The following CTNNA3 variants were observed in gnomAD, a reference collection of about 807,000 sequenced individuals.
The protein encoded by CTNNA3 is catenin alpha-3.
CTNNA3 carries 76 observed loss-of-function variants against 95.7 expected under a neutral mutation model. The ratio of observed to expected loss-of-function variants is 0.79; its 90% CI spans 0.66 to 0.96. The LOEUF is 0.96. Ranked by LOEUF, CTNNA3 falls within the 40% of genes least tolerant of loss-of-function variation. The pLI is 0.00. For synonymous variants in CTNNA3, 431 were observed against 374.4 expected (o/e 1.15, Z -1.74); for missense variants, 1,191 against 1,089.8 (o/e 1.09, Z -1.31).
At chr10:67,355,326 C>A (rs1047861850) in intron 5 of CTNNA3, among the ~76,000 whole-genome samples, 1 of 152,014 alleles carries the variant, frequency 6.6e-6, no homozygotes, top group Non-Finnish European at 1.5e-5. Flanking sequence ...GTGAAACACT[C>A]ACTCATCTCC....
At chr10:66,567,113 G>C (rs542688451) in intron 10 of CTNNA3, among the ~76,000 whole-genome samples, 1 of 65,004 alleles carries the variant, frequency 1.5e-5, no homozygotes, top group African/African-American at 8.4e-5. Context: ...GGCTTTTGAA[G>C]TCTAAAGTTC....
chr10:67,205,655 C>T (rs1447654647), intron 6 of CTNNA3, among the ~76,000 whole-genome samples: 1 of 152,128 alleles, frequency 6.6e-6, no homozygotes, highest in Non-Finnish European at 1.5e-5. Flanking sequence ...ACTGTGCTAA[C>T]AATTTACCCC....
At chr10:67,379,748 G>A (rs900686868) in intron 5 of CTNNA3, among the ~76,000 whole-genome samples, 1 of 152,012 alleles carries the variant, frequency 6.6e-6, no homozygotes, top group East Asian at 1.9e-4. Context: ...GAGGCCGGGC[G>A]CGGTGGCTCA....
intron 7 of CTNNA3, among the ~76,000 whole-genome samples, chr10:67,167,735 T>C (rs544815733): frequency 4.6e-5 from 7 of 152,342 alleles, no homozygotes; most frequent in Middle Eastern, 3.4e-3. Context: ...TGGATAACCC[T>C]AGGAATGACA....
intron 7 of CTNNA3, among the ~76,000 whole-genome samples, chr10:67,092,723 A>G (rs1857729451): frequency 2.0e-5 from 3 of 152,002 alleles, no homozygotes; most frequent in African/African-American, 7.2e-5. Context: ...GTTATTTTTA[A>G]CCATCTAACT....
chr10:66,696,744 G>T (rs1264389834), intron 9 of CTNNA3, among the ~76,000 whole-genome samples: 1 of 150,402 alleles, frequency 6.6e-6, no homozygotes. Flanking sequence ...ATCAGCCTGG[G>T]CAATAAAGTG....
At chr10:66,910,586 T>A (rs1846180235) in intron 7 of CTNNA3, among the ~76,000 whole-genome samples, 1 of 152,184 alleles carries the variant, frequency 6.6e-6, no homozygotes, top group Non-Finnish European at 1.5e-5. Context: ...TCAGTACAAC[T>A]AAGACAGTCA....
chr10:67,154,248 C>A (rs1052971901), intron 7 of CTNNA3, among the ~76,000 whole-genome samples: 3 of 152,014 alleles, frequency 2.0e-5, no homozygotes, highest in Non-Finnish European at 4.4e-5. Context: ...ATATGAATAA[C>A]CTTCATTCTA....
chr10:67,359,765 T>G (rs1010501135), intron 5 of CTNNA3, among the ~76,000 whole-genome samples: 24 of 152,182 alleles, frequency 1.6e-4, no homozygotes, highest in South Asian at 4.1e-4. Flanking sequence ...AGTAAGAAAC[T>G]TTGAAACATA....
chr10:67,458,626 CCCA>C (rs1032561615), intron 5 of CTNNA3, among the ~76,000 whole-genome samples: 2 of 152,054 alleles, frequency 1.3e-5, no homozygotes, highest in Admixed American at 6.6e-5. Context: ...TGCCTGTAAT[CCCA>C]GCGCTTTGGA....
rs866414923 is a variant in CTNNA3 at position 67,574,800 on chromosome 10, C to T, written c.292+32057G>A. 6.6e-5 allele frequency among the ~76,000 whole-genome samples: 10 copies of T among 152,064 alleles called. No homozygotes were observed. In the South Asian group the frequency reaches 1.2e-3, roughly 19 times the overall value. On this transcript the variant is annotated intron_variant, in intron 3 of 17. Coordinates refer to ENST00000433211, the MANE Select transcript of CTNNA3 (RefSeq NM_013266.4). The stretch of plus-strand genomic sequence containing the variant: ...TTCACCATGTTGGCCAGGCTGGTCT[C>T]GAACTCCTGACCTCAGGTGATCCAC...
chr10:67,318,117 A>T (rs760450252), intron 5 of CTNNA3, among the ~76,000 whole-genome samples: 9 of 152,092 alleles, frequency 5.9e-5, no homozygotes, highest in Non-Finnish European at 7.4e-5. Context: ...TTAGGTATTT[A>T]CTACTTGTTT....
chr10:66,338,278 G>T (rs1360044863), intron 12 of CTNNA3, among the ~76,000 whole-genome samples: 1 of 151,940 alleles, frequency 6.6e-6, no homozygotes, highest in Non-Finnish European at 1.5e-5. Context: ...GTAGATAATT[G>T]GTTGCCTGGG....
At chr10:66,974,888 T>C (rs918752773) in intron 7 of CTNNA3, among the ~76,000 whole-genome samples, 2 of 152,124 alleles carry the variant, frequency 1.3e-5, no homozygotes, top group Non-Finnish European at 2.9e-5. Flanking sequence ...TTCTAAGCAT[T>C]CTTAATAATA....
chr10:67,699,159 C>T (rs1169307064), upstream of CTNNA3, among the ~76,000 whole-genome samples: 1 of 152,140 alleles, frequency 6.6e-6, no homozygotes, highest in African/African-American at 2.4e-5. Flanking sequence ...ACCCTTTCTC[C>T]AATGATCAGT....
intron 6 of CTNNA3, among the ~76,000 whole-genome samples, chr10:67,212,108 G>T (rs1864165110): frequency 6.6e-6 from 1 of 151,856 alleles, no homozygotes; most frequent in Non-Finnish European, 1.5e-5. Context: ...CTTATTCTCA[G>T]ATTTACCACC....
intron 5 of CTNNA3, among the ~76,000 whole-genome samples, chr10:67,308,583 A>G (rs1840655214): frequency 6.6e-6 from 1 of 152,008 alleles, no homozygotes; most frequent in African/African-American, 2.4e-5. Flanking sequence ...TCTTTGAGAC[A>G]TTTTTTTTCT....
At chr10:66,189,659 C>T (rs942813422) in intron 13 of CTNNA3, among the ~76,000 whole-genome samples, 3 of 145,790 alleles carry the variant, frequency 2.1e-5, no homozygotes, top group Admixed American at 1.4e-4. Flanking sequence ...TACACACACA[C>T]ATATATATAT....
intron 9 of CTNNA3, among the ~76,000 whole-genome samples, chr10:66,723,422 C>T (rs1325144689): frequency 6.6e-6 from 1 of 152,082 alleles, no homozygotes; most frequent in East Asian, 1.9e-4. Flanking sequence ...TAAATTGTAC[C>T]CTTGTGCACA....
Sources: allele counts gnomAD v4.1 joint callset (sites outside exome capture counted in the v4.1 genomes callset), GRCh38; gene constraint gnomAD v4.1.1; transcripts MANE v1.5; gene names NCBI Gene and HGNC (gene_info 2026-07-23, HGNC 2026-07-21).